MACROD1: variants seen among roughly 807,000 people sequenced by gnomAD.
The protein encoded by MACROD1 is mono-ADP ribosylhydrolase 1.
In MACROD1, 31 loss-of-function variants were observed where a neutral mutation model predicts 41.4. That is an observed-to-expected ratio of 0.75 (90% CI 0.56 to 1.01). MACROD1 has a LOEUF of 1.01. Ranked by LOEUF, MACROD1 falls within the 50% of genes least tolerant of loss-of-function variation. The pLI, the probability that MACROD1 is intolerant of heterozygous loss-of-function variation, is 0.00. For synonymous variants in MACROD1, 252 were observed against 203.4 expected (o/e 1.24, Z -2.03); for missense variants, 473 against 460.0 (o/e 1.03, Z -0.26).
intron 3 of MACROD1, among the ~76,000 whole-genome samples, chr11:64,052,697 G>A (rs769497961): frequency 2.0e-5 from 3 of 152,198 alleles, no homozygotes; most frequent in South Asian, 2.1e-4. Context: ...AGGAAATGGC[G>A]CTTAGAGAAG....
At chr11:64,108,173 C>G (rs891727370) in intron 3 of MACROD1, among the ~76,000 whole-genome samples, 1 of 151,940 alleles carries the variant, frequency 6.6e-6, no homozygotes, top group Non-Finnish European at 1.5e-5. Context: ...ATTAGTGGGG[C>G]GTGGTGGTGC....
chr11:64,152,340 C>T lies in MACROD1; in HGVS notation c.352G>A (p.Asp118Asn). The T allele has an allele frequency of 6.2e-7, 1 of 1,614,258 alleles. No homozygotes were observed. Among genetic ancestry groups the T allele is most frequent in the Non-Finnish European group, 8.5e-7 (1 of 1,180,046 alleles). The change falls in exon 2 of 11, where the codon GAC (aspartate) becomes AAC (asparagine). Residue 118 changes from aspartate to asparagine, a missense_variant. Transcript: ENST00000255681. ...KQREEHYFCKDFVRLKKIPTW... is the reference protein window; with the variant it reads ...KQREEHYFCKNFVRLKKIPTW... ...GGGATCTTCTTCAGCCTGACAAAGT[C>T]CTTGCAGAAGTAATGTTCCTCCCGC... is the stretch of plus-strand genomic sequence containing the variant.
chr11:64,006,942 G>T (rs1942922619), intron 4 of MACROD1, among the ~76,000 whole-genome samples: 1 of 152,190 alleles, frequency 6.6e-6, no homozygotes, highest in African/African-American at 2.4e-5. Context: ...GCTGCCGTTG[G>T]CACCATCATC....
intron 1 of MACROD1, among the ~76,000 whole-genome samples, chr11:64,160,814 T>TTA (rs1565266362): frequency 9.0e-6 from 1 of 111,112 alleles, no homozygotes. Flanking sequence ...AGACCATATC[T>TTA]AAAAAAAAAA....
Position 64,165,877 on chromosome 11 carries a change from T to C in MACROD1, c.118A>G (p.Ser40Gly). 7.1e-7 allele frequency: 1 copy of C among 1,414,626 alleles called. No individual in the cohort carries two copies. Among genetic ancestry groups the C allele is most frequent in the Non-Finnish European group, 9.2e-7 (1 of 1,087,106 alleles). The allele number at this position is 1,414,626 out of a possible 1,614,324, so 87.6% of individuals were successfully genotyped here. A position where few individuals can be genotyped will look rare whatever the true frequency, so the allele number is the denominator to read the frequency against. ...HLAGATRTRSSTCGPPAFLGV... is the reference protein window; with the variant it reads ...HLAGATRTRSGTCGPPAFLGV... ...AGGAACGCCGGGGGACCGCACGTGC[T>C]GCTGCGGGTCCTCGTGGCACCCGCC... The change falls in exon 1 of 11, where the codon AGC (serine) becomes GGC (glycine). Residue 40 changes from serine to glycine, a missense_variant. Transcript: ENST00000255681.
chr11:64,043,539 G>A (rs983866688), intron 3 of MACROD1, among the ~76,000 whole-genome samples: 2 of 152,198 alleles, frequency 1.3e-5, no homozygotes, highest in Non-Finnish European at 2.9e-5. Flanking sequence ...AGCAGCAAGG[G>A]TTAGGAGGCA....
At chr11:64,157,128 T>C (rs961195559) in intron 1 of MACROD1, among the ~76,000 whole-genome samples, 2 of 152,158 alleles carry the variant, frequency 1.3e-5, no homozygotes, top group Non-Finnish European at 2.9e-5. Flanking sequence ...AGTCTCACTC[T>C]GTCACCCAGG....
chr11:64,024,291 C>T (rs186169582), intron 3 of MACROD1, among the ~76,000 whole-genome samples: 1 of 152,236 alleles, frequency 6.6e-6, no homozygotes. Flanking sequence ...CAAATAAGTT[C>T]TCCGTGCTTT....
intron 3 of MACROD1, chr11:64,118,054 A>G (rs1475875325): frequency 1.9e-6 from 3 of 1,613,614 alleles, no homozygotes; most frequent in East Asian, 4.5e-5. Flanking sequence ...GGCAGCAGGA[A>G]AAAGGATGAC....
intron 3 of MACROD1, among the ~76,000 whole-genome samples, chr11:64,043,906 C>T (rs1157569150): frequency 6.6e-6 from 1 of 151,208 alleles, no homozygotes; most frequent in Non-Finnish European, 1.5e-5. Flanking sequence ...CTGTCTGCAA[C>T]AGGTTCAAGC....
At chr11:63,999,064 C>T (rs770865629) in intron 8 of MACROD1, 28 bp from the exon 9 acceptor site, 7 of 1,569,698 alleles carry the variant, frequency 4.5e-6, no homozygotes, top group Non-Finnish European at 6.0e-6. Context: ...CAGCCTGGGC[C>T]GAGCTGCCAC....
chr11:64,158,265 C>G (rs1462831564), intron 1 of MACROD1, among the ~76,000 whole-genome samples: 2 of 152,160 alleles, frequency 1.3e-5, no homozygotes, highest in African/African-American at 2.4e-5. Context: ...GTGAGACAAG[C>G]CTACAAGAGC....
chr11:64,044,625 C>T (rs1943550295), intron 3 of MACROD1, among the ~76,000 whole-genome samples: 1 of 152,062 alleles, frequency 6.6e-6, no homozygotes, highest in Non-Finnish European at 1.5e-5. Flanking sequence ...AGTCACTTGC[C>T]CAAGGTCACA....
chr11:64,107,170 C>A (rs553105052), intron 3 of MACROD1, among the ~76,000 whole-genome samples: 1 of 152,222 alleles, frequency 6.6e-6, no homozygotes, highest in Non-Finnish European at 1.5e-5. Flanking sequence ...AATGAGCCAA[C>A]TTGCCCAGCC....
chr11:64,119,884 C>T (rs776056554), intron 3 of MACROD1, among the ~76,000 whole-genome samples: 1 of 152,098 alleles, frequency 6.6e-6, no homozygotes, highest in African/African-American at 2.4e-5. Context: ...GGAGGAAGAG[C>T]GGAGCCTGGG....
At chr11:64,144,764 C>T (rs568122841) in intron 3 of MACROD1, among the ~76,000 whole-genome samples, 47 of 152,378 alleles carry the variant, frequency 3.1e-4, no homozygotes, top group African/African-American at 9.9e-4. Flanking sequence ...CTGCCCACTG[C>T]GGAGAGGTTT....
intron 4 of MACROD1, among the ~76,000 whole-genome samples, chr11:64,007,861 G>A (rs186346694): frequency 6.6e-6 from 1 of 152,326 alleles, no homozygotes; most frequent in East Asian, 1.9e-4. Context: ...CAGCCCTGCT[G>A]GGGAGGGGAG....
chr11:64,135,200 G>A (rs1342151897), intron 3 of MACROD1, among the ~76,000 whole-genome samples: 1 of 152,240 alleles, frequency 6.6e-6, no homozygotes, highest in South Asian at 2.1e-4. Flanking sequence ...CATCGCAGAG[G>A]ACAGAATGAC....
chr11:64,032,710 A>T (rs1590816518), intron 3 of MACROD1, among the ~76,000 whole-genome samples: 1 of 152,084 alleles, frequency 6.6e-6, no homozygotes, highest in African/African-American at 2.4e-5. Flanking sequence ...CACTGCCTTT[A>T]CCAGTCACCT....
Sources: allele counts gnomAD v4.1 joint callset (sites outside exome capture counted in the v4.1 genomes callset), GRCh38; gene constraint gnomAD v4.1.1; transcripts MANE v1.5; gene names NCBI Gene and HGNC (gene_info 2026-07-23, HGNC 2026-07-21).